Variants in ALDH1L2 observed in about 807,000 individuals in gnomAD.
The protein encoded by ALDH1L2 is aldehyde dehydrogenase 1 family member L2.
ALDH1L2 carries 91 observed loss-of-function variants against 111.0 expected under a neutral mutation model. The ratio of observed to expected loss-of-function variants is 0.82; its 90% CI spans 0.69 to 0.98. ALDH1L2 has a LOEUF of 0.98. Among genes scored for constraint, ALDH1L2 ranks in the 50% least tolerant of loss-of-function variants. The probability of loss-of-function intolerance (pLI) is 0.00; values close to 1 mark genes in which losing one functional copy is unlikely to be tolerated. For missense variants in ALDH1L2, 995 were observed against 1,126.8 expected (o/e 0.88, Z 1.67); for synonymous variants, 374 against 392.6 (o/e 0.95, Z 0.56).
Position 105,034,351 on chromosome 12 carries a change from A to G in ALDH1L2, c.2193T>C (p.Ala731=), listed in dbSNP as rs765434870. The G allele has an allele frequency of 6.2e-7, 1 of 1,613,754 alleles. No homozygotes were observed. ...TGGATTCTTCCACGAACAACCGCCC[A>G]GCAGCAATACAGTTCTCTCCTTTGT... The part of the protein sequence containing the change: ...FFNKGENCIA[A]GRLFVEESIH... The change falls in exon 19 of 23, where the codon GCT becomes GCC. Residue 731 remains alanine, a synonymous_variant. Transcript: ENST00000258494.
Position 105,035,839 on chromosome 12 carries a change from A to ATGTGTGTGTGTG in ALDH1L2, c.2146-1453_2146-1442dup, listed in dbSNP as rs1159145670. 4.3e-4 allele frequency among the ~76,000 whole-genome samples: 43 copies of ATGTGTGTGTGTG among 100,208 alleles called. 6 individuals carry two copies. Among genetic ancestry groups the ATGTGTGTGTGTG allele is most frequent in the African/African-American group, 2.3e-3 (38 of 16,406 alleles). The allele number at this position is 100,208 out of a possible 152,430, so 65.7% of individuals were successfully genotyped here. A position where few individuals can be genotyped will look rare whatever the true frequency, so the allele number is the denominator to read the frequency against. On this transcript the variant is annotated intron_variant, in intron 18 of 22. Coordinates refer to ENST00000258494, the MANE Select transcript of ALDH1L2 (RefSeq NM_001034173.4). ...ATATAGTGTGTCTATATATATATAT[A>ATGTGTGTGTGTG]TGTGTGTGTGTGTGTGTGTGTGTGT...
chr12:105,040,427 C>G (rs965775073), intron 16 of ALDH1L2, among the ~76,000 whole-genome samples, 180 bp downstream of exon 16: 8 of 152,154 alleles, frequency 5.3e-5, no homozygotes, highest in African/African-American at 1.9e-4. Context: ...TCACCCACCA[C>G]TGTATTTCCA....
chr12:105,050,986 G>A (rs1020823210), intron 12 of ALDH1L2, among the ~76,000 whole-genome samples: 3 of 152,084 alleles, frequency 2.0e-5, no homozygotes, highest in African/African-American at 7.2e-5. Flanking sequence ...ATCTAGGTCC[G>A]ATATTGGATT....
At chr12:105,069,741 A>G (rs1447191535) in intron 3 of ALDH1L2, among the ~76,000 whole-genome samples, 2 of 152,200 alleles carry the variant, frequency 1.3e-5, no homozygotes, top group African/African-American at 4.8e-5. Context: ...ATATTAGGAA[A>G]ATGTGCAGGT....
chr12:105,084,222 C>G (rs1370384599), intron 1 of ALDH1L2, among the ~76,000 whole-genome samples, 167 bp downstream of exon 1: 1 of 152,138 alleles, frequency 6.6e-6, no homozygotes, highest in Admixed American at 6.5e-5. Flanking sequence ...CCTCTGAGGT[C>G]TCTCTGTTTT....
In ALDH1L2 at chr12:105,064,074, C is replaced by T. The variant is rs574595769; in HGVS notation, c.787-1052G>A. On this transcript the variant is annotated intron_variant, in intron 6 of 22. Transcript: ENST00000258494. ...CAAATGATTCTCCTGCCTTAGCCTCCCAAGTAGCTGGGATTACAGGCACAT... is the reference window on the plus strand; with the variant it reads ...CAAATGATTCTCCTGCCTTAGCCTCTCAAGTAGCTGGGATTACAGGCACAT... 2.0e-3 allele frequency among the ~76,000 whole-genome samples: 281 copies of T among 141,528 alleles called. 1 individual carries two copies. Among genetic ancestry groups the T allele is most frequent in the African/African-American group, 7.1e-3 (273 of 38,498 alleles). 92.8% of individuals were successfully genotyped at this position (141,528 alleles called of 152,430 possible).
In ALDH1L2 at chr12:105,050,116, A is replaced by G. The variant is rs558798282; in HGVS notation, c.1536-58T>C. 3.4e-5 allele frequency: 50 copies of G among 1,451,274 alleles called. No individual in the cohort carries two copies. The Middle Eastern group carries it at 5.4e-4, about 16-fold the overall frequency. 89.9% of individuals were successfully genotyped at this position (1,451,274 alleles called of 1,614,324 possible). ...AGTATTGATTGAGCTCCTGTCACAT[A>G]TAATGCAGTATCCTAAGGACGGAGA... is the stretch of plus-strand genomic sequence containing the variant. On this transcript the variant is annotated intron_variant, in intron 12 of 22. Coordinates refer to ENST00000258494, the MANE Select transcript of ALDH1L2 (RefSeq NM_001034173.4).
At chr12:105,049,182 G>C (rs1249990333) in intron 13 of ALDH1L2, among the ~76,000 whole-genome samples, 2 of 152,018 alleles carry the variant, frequency 1.3e-5, no homozygotes, top group African/African-American at 4.8e-5. Context: ...CATGATACTA[G>C]GCTTCTCCAA....
chr12:105,026,797 T>C lies in ALDH1L2; in HGVS notation c.2517-53A>G, dbSNP rs1592760460. On this transcript the variant is annotated intron_variant, in intron 21 of 22. Coordinates refer to ENST00000258494, the MANE Select transcript of ALDH1L2 (RefSeq NM_001034173.4). ...CATTAAATGTAAAGCAAAAGACTCA[T>C]TTTATGTTCTGAAAATTTTCCCATC... 8 of 1,587,888 alleles carry C rather than the reference T, an allele frequency of 5.0e-6. 1 individual carries two copies. In the East Asian group the frequency reaches 6.7e-5, roughly 13 times the overall value.
At chr12:105,069,192 T>G (rs1470739575) in intron 3 of ALDH1L2, among the ~76,000 whole-genome samples, 2 of 152,174 alleles carry the variant, frequency 1.3e-5, no homozygotes, top group African/African-American at 4.8e-5. Context: ...AGGGATCAGT[T>G]TTCTACTTCA....
In ALDH1L2 at chr12:105,026,714, A is replaced by G. The variant is rs779461333; in HGVS notation, c.2547T>C (p.Asn849=). 22 of 1,614,042 alleles carry G rather than the reference A, an allele frequency of 1.4e-5. No homozygotes were observed. The Admixed American group carries it at 2.3e-4, about 17-fold the overall frequency. Residue 849 remains asparagine, a synonymous_variant, in exon 22 of 23, where the codon AAT becomes AAC. Coordinates refer to ENST00000258494, the MANE Select transcript of ALDH1L2 (RefSeq NM_001034173.4). Reference sequence around the variant, plus strand: ...CTGAGGCCAAACCATACTCTGTACTATTTGCTCGCTGCAACACTCCATCGA... The same window carrying G: ...CTGAGGCCAAACCATACTCTGTACTGTTTGCTCGCTGCAACACTCCATCGA... ...GDIDGVLQRA[N]STEYGLASGV...
Position 105,022,967 on chromosome 12 carries a change from T to C in ALDH1L2, c.*1457A>G, listed in dbSNP as rs1388410807. ...TAGAATTTAACTTTCTGGCTATCTT[T>C]TGGAGACTCATGTGATTCAGAAATT... On this transcript the variant is annotated 3_prime_UTR_variant, in exon 23 of 23. Coordinates refer to ENST00000258494, the MANE Select transcript of ALDH1L2 (RefSeq NM_001034173.4). 1 of 152,226 alleles carries C rather than the reference T, an allele frequency of 6.6e-6. No individual in the cohort carries two copies. Among genetic ancestry groups the C allele is most frequent in the African/African-American group, 2.4e-5 (1 of 41,458 alleles). 9.4% of individuals were successfully genotyped at this position (152,226 alleles called of 1,614,324 possible). A position where few individuals can be genotyped will look rare whatever the true frequency, so the allele number is the denominator to read the frequency against.
intron 9 of ALDH1L2, among the ~76,000 whole-genome samples, chr12:105,058,851 C>T (rs886633207): frequency 1.4e-4 from 21 of 151,980 alleles, no homozygotes; most frequent in African/African-American, 5.1e-4. Context: ...CATTTATTCT[C>T]TAAAAGAGAT....
Position 105,072,847 on chromosome 12 carries a change from G to T in ALDH1L2, c.193+1014C>A, listed in dbSNP as rs547507664. On this transcript the variant is annotated intron_variant, in intron 2 of 22. Coordinates refer to ENST00000258494, the MANE Select transcript of ALDH1L2 (RefSeq NM_001034173.4). Reference sequence around the variant, plus strand: ...AAATTAGCCGGGTATGATGGTGGGTGCCTGTAATCCCAGCTACTCGGGAGG... The same window carrying T: ...AAATTAGCCGGGTATGATGGTGGGTTCCTGTAATCCCAGCTACTCGGGAGG... Among the ~76,000 whole-genome samples the T allele has an allele frequency of 2.6e-4, 39 of 152,300 alleles. 1 individual carries two copies. The South Asian group carries it at 7.5e-3, about 29-fold the overall frequency.
intron 1 of ALDH1L2, among the ~76,000 whole-genome samples, chr12:105,082,513 T>C (rs1237574131): frequency 6.6e-6 from 1 of 152,264 alleles, no homozygotes. Flanking sequence ...CCATCCATGT[T>C]GTATGCATCA....
intron 20 of ALDH1L2, 41 bp from the exon 21 acceptor site, chr12:105,030,470 A>C (rs774527791): frequency 5.2e-6 from 8 of 1,548,714 alleles, no homozygotes; most frequent in South Asian, 3.6e-5. Context: ...ACTGTAGGTT[A>C]AGTCATTTTC....
intron 6 of ALDH1L2, among the ~76,000 whole-genome samples, chr12:105,064,642 T>C (rs1315499283): frequency 6.6e-6 from 1 of 152,088 alleles, no homozygotes; most frequent in Admixed American, 6.5e-5. Context: ...ATGCCAGAGG[T>C]AGGCAGAGTG....
At chr12:105,067,210 T>G (rs1460622065) in intron 4 of ALDH1L2, among the ~76,000 whole-genome samples, 1 of 93,106 alleles carries the variant, frequency 1.1e-5, no homozygotes, top group Non-Finnish European at 2.1e-5. Context: ...AGCGAGACTC[T>G]GTCTCAAAAA....
intron 15 of ALDH1L2, among the ~76,000 whole-genome samples, chr12:105,043,964 A>G (rs1231149707): frequency 6.6e-6 from 1 of 152,254 alleles, no homozygotes; most frequent in East Asian, 1.9e-4. Context: ...CAACAGGTTT[A>G]AGAGGAGTCA....
Sources: gnomAD v4.1 joint callset for allele counts (sites outside exome capture counted in the v4.1 genomes callset) on GRCh38, gnomAD v4.1.1 for gene constraint, MANE v1.5 for transcripts, NCBI Gene and HGNC (gene_info 2026-07-23, HGNC 2026-07-21) for gene names.